Variants in DENND2B observed in about 807,000 individuals in gnomAD.
DENND2B encodes DENN domain containing 2B.
Under a neutral mutation model 116.0 loss-of-function variants are expected in DENND2B, and 32 were observed. The ratio of observed to expected loss-of-function variants is 0.28; its 90% CI spans 0.21 to 0.37. The LOEUF is 0.37. Ranked by LOEUF, DENND2B falls within the 10% of genes least tolerant of loss-of-function variation. The probability of loss-of-function intolerance (pLI) is 1.00; values close to 1 mark genes in which losing one functional copy is unlikely to be tolerated. For missense variants in DENND2B, 1,276 were observed against 1,477.7 expected (o/e 0.86, Z 2.24); for synonymous variants, 588 against 583.9 (o/e 1.01, Z -0.10).
intron 5 of DENND2B, among the ~76,000 whole-genome samples, chr11:8,717,197 C>T (rs760127248): frequency 2.0e-5 from 3 of 152,164 alleles, no homozygotes; most frequent in Non-Finnish European, 4.4e-5. Flanking sequence ...CTGCCTTCTC[C>T]CCATCCATTC....
intron 2 of DENND2B, among the ~76,000 whole-genome samples, chr11:8,749,715 C>A (rs931930970): frequency 1.3e-5 from 2 of 152,224 alleles, no homozygotes; most frequent in Non-Finnish European, 2.9e-5. Flanking sequence ...CTAGCCCTAT[C>A]CAAACCAAAG....
intron 3 of DENND2B, among the ~76,000 whole-genome samples, chr11:8,853,710 T>A (rs1411258524): frequency 1.3e-5 from 2 of 152,214 alleles, no homozygotes; most frequent in African/African-American, 4.8e-5. Context: ...AATCTTACTT[T>A]GGTAGAAAAA....
intron 1 of DENND2B, among the ~76,000 whole-genome samples, chr11:8,899,746 A>G (rs986532353): frequency 3.9e-5 from 6 of 152,244 alleles, no homozygotes; most frequent in African/African-American, 1.4e-4. Flanking sequence ...AGTTACTCAA[A>G]TCTACAGAGA....
chr11:8,850,803 G>C (rs140838948), intron 3 of DENND2B, among the ~76,000 whole-genome samples: 275 of 152,140 alleles, frequency 1.8e-3, no homozygotes, highest in African/African-American at 6.4e-3. Flanking sequence ...AATAAAAAAA[G>C]AAAATGTGGT....
At chr11:8,708,022 C>G (rs2042922104) in intron 11 of DENND2B, 168 bp from the exon 12 acceptor site, 1 of 1,524,246 alleles carries the variant, frequency 6.6e-7, no homozygotes, top group East Asian at 2.5e-5. Flanking sequence ...GAAGGAACAG[C>G]CACCACTCTC....
intron 2 of DENND2B, among the ~76,000 whole-genome samples, chr11:8,870,371 A>C (rs549074769): frequency 6.6e-6 from 1 of 152,328 alleles, no homozygotes; most frequent in East Asian, 1.9e-4. Flanking sequence ...GGACCCTTTA[A>C]TACTTAGTGC....
intron 2 of DENND2B, among the ~76,000 whole-genome samples, chr11:8,733,900 T>C (rs1328578681): frequency 1.3e-5 from 2 of 152,060 alleles, no homozygotes; most frequent in African/African-American, 2.4e-5. Flanking sequence ...AAATAGAGAG[T>C]AGACTGGCCC....
Position 8,702,852 on chromosome 11 carries a change from T to C in DENND2B, c.2572-132A>G. On this transcript the variant is annotated intron_variant, in intron 13 of 19. Coordinates refer to ENST00000313726, the MANE Select transcript of DENND2B (RefSeq NM_213618.2). The surrounding 1 kb of genome is among the most constrained non-coding windows in gnomAD (Gnocchi z 4.6). ...TCCAGGTCTCTCGTCTACCCTGCTA[T>C]GCAGTAAACCCCTCTTCTCCATCCC... 2.7e-6 allele frequency: 3 copies of C among 1,111,530 alleles called. No individual in the cohort carries two copies. The highest frequency in any genetic ancestry group is 3.8e-6 in the Non-Finnish European group (3 of 788,870). The allele number at this position is 1,111,530 out of a possible 1,614,324, so 68.9% of individuals were successfully genotyped here.
intron 3 of DENND2B, among the ~76,000 whole-genome samples, chr11:8,726,626 T>C (rs1231827867): frequency 6.6e-6 from 1 of 152,222 alleles, no homozygotes; most frequent in African/African-American, 2.4e-5. Context: ...AGCTCTTAAC[T>C]ATAATTTTGG....
intron 2 of DENND2B, among the ~76,000 whole-genome samples, chr11:8,744,948 G>A (rs1182441755): frequency 6.6e-6 from 1 of 150,582 alleles, no homozygotes; most frequent in African/African-American, 2.4e-5. Context: ...TTAAGACAGG[G>A]TTTCAGTCTA....
At chr11:8,798,776 G>A (rs928728805) in intron 1 of DENND2B, among the ~76,000 whole-genome samples, 1 of 151,408 alleles carries the variant, frequency 6.6e-6, no homozygotes, top group Non-Finnish European at 1.5e-5. Context: ...AAATAAAAAG[G>A]CTTTTCTATT....
chr11:8,697,801 A>G (rs2040645598), intron 16 of DENND2B, 165 bp from the exon 17 acceptor site: 1 of 628,354 alleles, frequency 1.6e-6, no homozygotes, highest in East Asian at 2.8e-5. Flanking sequence ...AAGCACAGAA[A>G]GGTTAAGAAA....
intron 17 of DENND2B, 26 bp downstream of exon 17, chr11:8,697,499 T>A: frequency 6.3e-7 from 1 of 1,584,700 alleles, no homozygotes. Flanking sequence ...GGAGCAGAGC[T>A]GACCGTGCCC....
At chr11:8,717,669 A>C in intron 5 of DENND2B, 72 bp downstream of exon 5, 6 of 1,466,308 alleles carry the variant, frequency 4.1e-6, no homozygotes, top group Non-Finnish European at 5.4e-6. Context: ...AGCTGGGCCC[A>C]AGTCTTGGAA....
At chr11:8,728,605 C>A (rs2047546247) in intron 3 of DENND2B, among the ~76,000 whole-genome samples, 1 of 152,122 alleles carries the variant, frequency 6.6e-6, no homozygotes, top group Non-Finnish European at 1.5e-5. Context: ...CCCCCCACTC[C>A]CTTTGGTCAC....
chr11:8,716,583 C>T (rs1166365648), intron 5 of DENND2B, among the ~76,000 whole-genome samples: 3 of 152,214 alleles, frequency 2.0e-5, no homozygotes, highest in African/African-American at 7.2e-5. Context: ...CTGTTCTCAC[C>T]CAATCAATCT....
At chr11:8,777,303 C>T (rs1187409559) in intron 1 of DENND2B, among the ~76,000 whole-genome samples, 1 of 152,212 alleles carries the variant, frequency 6.6e-6, no homozygotes, top group Non-Finnish European at 1.5e-5. Flanking sequence ...CTAAGACAGA[C>T]TTGTAAGCTC....
rs2043873612 is a variant in DENND2B, at chr11:8,712,194, G to T, written c.2172+357C>A. Among the ~76,000 whole-genome samples the T allele has an allele frequency of 6.6e-6, 1 of 152,206 alleles. No individual in the cohort carries two copies. Among genetic ancestry groups the T allele is most frequent in the Admixed American group, 6.5e-5 (1 of 15,286 alleles). On this transcript the variant is annotated intron_variant, in intron 9 of 19. Transcript: ENST00000313726. The surrounding 1 kb of genome is among the most constrained non-coding windows in gnomAD (Gnocchi z 4.4). ...TGGGTGCAGAGTTTCTCTTTGGGGT[G>T]ATAAAAATGTTCTAAAATTGACTGT... is the stretch of plus-strand genomic sequence containing the variant.
In DENND2B at chr11:8,888,318, G is replaced by C. The variant is rs572424459; in HGVS notation, c.-255-7209C>G. 5.3e-5 allele frequency among the ~76,000 whole-genome samples: 8 copies of C among 152,312 alleles called. No individual in the cohort carries two copies. The East Asian group carries it at 1.5e-3, about 29-fold the overall frequency. Reference sequence around the variant, plus strand: ...TTCAAATGTCAGTGATCTGTGCTCTGTCTGCTGATTGCTGCTTCTGATCAT... The same window carrying C: ...TTCAAATGTCAGTGATCTGTGCTCTCTCTGCTGATTGCTGCTTCTGATCAT... On this transcript the variant is annotated intron_variant, in intron 1 of 22. Coordinates refer to the DENND2B transcript ENST00000534127.
Sources: allele counts gnomAD v4.1 joint callset (sites outside exome capture counted in the v4.1 genomes callset), GRCh38; gene constraint gnomAD v4.1.1; non-coding constraint Gnocchi (gnomAD v3.1); transcripts MANE v1.5; gene names NCBI Gene and HGNC (gene_info 2026-07-23, HGNC 2026-07-21).